Variants in URB2 observed in about 807,000 individuals in gnomAD.
URB2 encodes the protein unhealthy ribosome biogenesis protein 2 homolog.
URB2 carries 86 observed loss-of-function variants against 120.9 expected under a neutral mutation model. The ratio of observed to expected loss-of-function variants is 0.71; its 90% CI spans 0.60 to 0.85. URB2 has a LOEUF of 0.85. Ranked by LOEUF, URB2 falls within the 40% of genes least tolerant of loss-of-function variation. The pLI, the probability that URB2 is intolerant of heterozygous loss-of-function variation, is 0.00. For missense variants in URB2, 1,765 were observed against 1,836.5 expected (o/e 0.96, Z 0.71); for synonymous variants, 755 against 758.4 (o/e 1.00, Z 0.07).
In URB2 at chr1:229,636,815, A is replaced by G; in HGVS notation, c.2202A>G (p.Thr734=). ...AAGTTGGGATGGTGAGTGGACTCAC[A>G]TACCCTGTAGCACACTGGCACTTGA... is the stretch of plus-strand genomic sequence containing the variant. The part of the protein sequence containing the change: ...DGQVGMVSGL[T]YPVAHWHLIV... Residue 734 remains threonine, a synonymous_variant, in exon 4 of 10, where the codon ACA becomes ACG. Coordinates refer to ENST00000258243, the MANE Select transcript of URB2 (RefSeq NM_014777.4). 3 of 1,613,078 alleles carry G rather than the reference A, an allele frequency of 1.9e-6. No homozygotes were observed. The highest frequency in any genetic ancestry group is 2.2e-5 in the East Asian group (1 of 44,850).
intron 3 of URB2, among the ~76,000 whole-genome samples, chr1:229,634,346 C>T (rs550238013): frequency 8.5e-5 from 13 of 152,128 alleles, no homozygotes; most frequent in Admixed American, 3.3e-4. Context: ...GCTGGGATTA[C>T]AGCTGCCTGC....
intron 7 of URB2, among the ~76,000 whole-genome samples, chr1:229,649,834 A>C (rs1225160123): frequency 6.6e-6 from 1 of 152,208 alleles, no homozygotes; most frequent in Non-Finnish European, 1.5e-5. Context: ...CTCATTTTGC[A>C]GATGAGGAAA....
In URB2 at chr1:229,643,563, A is replaced by T. The variant is rs753287753; in HGVS notation, c.3665A>T (p.Asp1222Val). ...DPEIPVQVTQ[D>V]IEPHLGALFT... Reference sequence around the variant, plus strand: ...GAAATTCCTGTTCAGGTCACTCAGGATATTGAGCCTCATTTGGGAGCCTTG... The same window carrying T: ...GAAATTCCTGTTCAGGTCACTCAGGTTATTGAGCCTCATTTGGGAGCCTTG... Residue 1222 changes from aspartate to valine, a missense_variant, in exon 5 of 10, where the codon GAT (aspartate) becomes GTT (valine). Asp to Val is a radical substitution (Grantham distance 152, BLOSUM62 -3). Coordinates refer to ENST00000258243, the MANE Select transcript of URB2 (RefSeq NM_014777.4). 43 of 1,614,162 alleles carry T rather than the reference A, an allele frequency of 2.7e-5. No individual in the cohort carries two copies. Among genetic ancestry groups the T allele is most frequent in the Middle Eastern group, 1.6e-4 (1 of 6,062 alleles).
Position 229,647,518 on chromosome 1 carries a change from C to T in URB2, c.3915C>T (p.Asn1305=). The T allele has an allele frequency of 6.2e-7, 1 of 1,613,306 alleles. No homozygotes were observed. The highest frequency in any genetic ancestry group is 1.7e-5 in the Admixed American group (1 of 59,990). The part of the protein sequence containing the change: ...PQIVTALTLL[N]REASQEQPVS... The stretch of plus-strand genomic sequence containing the variant: ...TTTATTTTGCCCTTTAGCTCTTAAA[C>T]CGAGAAGCTTCTCAGGAGCAGCCTG... Residue 1305 remains asparagine, a synonymous_variant, in exon 7 of 10, where the codon AAC becomes AAT. Coordinates refer to ENST00000258243, the MANE Select transcript of URB2 (RefSeq NM_014777.4).
At chr1:229,634,838 AT>A (rs113038970) in intron 3 of URB2, 78 bp from the exon 4 acceptor site, 18,852 of 995,978 alleles carry the variant, frequency 0.019, 1 homozygote, top group South Asian at 0.028. Flanking sequence ...GAGTTTGTTG[AT>A]TTTTTTTTTT....
At position 229,635,671 on chromosome 1, in the gene URB2, G is replaced by T. The variant is rs1461113502; in HGVS notation, c.1058G>T (p.Trp353Leu). 6.2e-7 allele frequency: 1 copy of T among 1,614,144 alleles called. No homozygotes were observed. Among genetic ancestry groups the T allele is most frequent in the East Asian group, 2.2e-5 (1 of 44,886 alleles). The stretch of plus-strand genomic sequence containing the variant: ...AGCAAAGCCCTGTCCACATCAGATT[G>T]GACCACAGAGCTTTTGGTTGTGGAA... ...EQSKALSTSDWTTELLVVEQL... is the reference protein window; with the variant it reads ...EQSKALSTSDLTTELLVVEQL... The change falls in exon 4 of 10, where the codon TGG becomes TTG. Residue 353 changes from tryptophan (W) to leucine (L), a missense_variant. Coordinates refer to ENST00000258243, the MANE Select transcript of URB2 (RefSeq NM_014777.4).
At chr1:229,659,009 C>T (rs1403785474) in intron 9 of URB2, 91 bp from the exon 10 acceptor site, 1 of 1,281,790 alleles carries the variant, frequency 7.8e-7, no homozygotes, top group Non-Finnish European at 1.1e-6. Flanking sequence ...TTTGAAATTA[C>T]TTGTTAGTGC....
intron 5 of URB2, among the ~76,000 whole-genome samples, chr1:229,645,457 C>A (rs1456014829): frequency 6.6e-6 from 1 of 152,170 alleles, no homozygotes; most frequent in Non-Finnish European, 1.5e-5. Flanking sequence ...CCCCTCCTAT[C>A]TGTAAGCGTG....
At chr1:229,646,000 C>T (rs765270371) in intron 6 of URB2, 31 bp downstream of exon 6, 4 of 1,579,394 alleles carry the variant, frequency 2.5e-6, no homozygotes, top group Admixed American at 3.3e-5. Context: ...TGTCCTCTAG[C>T]TCCTCCCCTC....
Position 229,637,322 on chromosome 1 carries a change from C to T in URB2, c.2709C>T (p.Ala903=). The part of the protein sequence containing the change: ...SILGLLEVIS[A]LQLDSLLPPY... ...TGGGGCTTTTGGAAGTGATTTCTGCCTTACAGCTGGACAGCCTCTTGCCAC... is the reference window on the plus strand; with the variant it reads ...TGGGGCTTTTGGAAGTGATTTCTGCTTTACAGCTGGACAGCCTCTTGCCAC... The change falls in exon 4 of 10, where the codon GCC becomes GCT. Residue 903 remains alanine (A), a synonymous_variant. Coordinates refer to ENST00000258243, the MANE Select transcript of URB2 (RefSeq NM_014777.4). The T allele has an allele frequency of 7.4e-6, 12 of 1,614,186 alleles. No homozygotes were observed. Among genetic ancestry groups the T allele is most frequent in the Non-Finnish European group, 1.0e-5 (12 of 1,180,032 alleles).
rs1558164725 is a variant in URB2 at position 229,636,499 on chromosome 1, CTA to C, written c.1888_1889del (p.Met630ValfsTer60). On this transcript the variant is annotated frameshift_variant, in exon 4 of 10. Transcript: ENST00000258243. LOFTEE classifies it high-confidence loss of function. ...AGTTTGAACTGTAGCCAGTATCACT[CTA>C]TGTCTGGGCCCCTTATAGGTGTTGC... is the stretch of plus-strand genomic sequence containing the variant. The C allele has an allele frequency of 1.2e-6, 2 of 1,614,230 alleles. No homozygotes were observed. The highest frequency in any genetic ancestry group is 2.2e-5 in the South Asian group (2 of 91,084).
In URB2 at chr1:229,654,233, A is replaced by G. The variant is rs1666348788; in HGVS notation, c.4238-16A>G. On this transcript the variant is annotated splice_polypyrimidine_tract_variant and intron_variant, in intron 8 of 9. Coordinates refer to ENST00000258243, the MANE Select transcript of URB2 (RefSeq NM_014777.4). ...TTTTTGAACTAATTGGTTGGGAAAC[A>G]CTTTGTTGTCTGTAGGAAGCATAGA... is the stretch of plus-strand genomic sequence containing the variant. The G allele has an allele frequency of 6.2e-7, 1 of 1,612,364 alleles. No individual in the cohort carries two copies. The highest frequency in any genetic ancestry group is 8.5e-7 in the Non-Finnish European group (1 of 1,178,564).
rs750817049 is a variant in URB2 at position 229,632,275 on chromosome 1, C to G, written c.133C>G (p.Leu45Val). 26 of 1,546,600 alleles carry G rather than the reference C, an allele frequency of 1.7e-5. No individual in the cohort carries two copies. The highest frequency in any genetic ancestry group is 1.8e-5 in the Non-Finnish European group (21 of 1,156,026). The change falls in exon 3 of 10, where the codon CTT (leucine) becomes GTT (valine). Residue 45 changes from leucine (L) to valine (V), a missense_variant. Leu to Val is a conservative substitution (Grantham distance 32, BLOSUM62 1). Transcript: ENST00000258243. Reference protein sequence around the residue: ...CFLPNKEQVLLDWARQSLVAF... With the variant: ...CFLPNKEQVLVDWARQSLVAF... ...ATGTGTCCTTCAAATTCAGGTGTTA[C>G]TTGATTGGGCAAGACAATCATTGGT...
chr1:229,658,240 A>C (rs1195815202), intron 9 of URB2, among the ~76,000 whole-genome samples: 1 of 152,160 alleles, frequency 6.6e-6, no homozygotes, highest in African/African-American at 2.4e-5. Flanking sequence ...GGATGTGGTA[A>C]GTGTGAAGAG....
chr1:229,631,027 C>G (rs1022706586), intron 2 of URB2, among the ~76,000 whole-genome samples: 7 of 149,924 alleles, frequency 4.7e-5, no homozygotes, highest in African/African-American at 1.7e-4. Context: ...ATGGCATCTT[C>G]CAATAGAAGG....
intron 5 of URB2, among the ~76,000 whole-genome samples, chr1:229,644,494 G>A (rs2102792624): frequency 6.6e-6 from 1 of 152,344 alleles, no homozygotes; most frequent in Admixed American, 6.5e-5. Context: ...CTTGATTGGG[G>A]AGCAGAGGTG....
chr1:229,638,998 TG>T lies in URB2; in HGVS notation c.3634+752del, dbSNP rs1558166810. Among the ~76,000 whole-genome samples the T allele has an allele frequency of 2.0e-5, 3 of 152,134 alleles. 1 individual carries two copies. On this transcript the variant is annotated intron_variant, in intron 4 of 9. Transcript: ENST00000258243. ...GCCATAAATTGACTTTAAAAAGATATGAAAATCTGCCAACTTTAAAAAAGTA... is the reference window on the plus strand; with the variant it reads ...GCCATAAATTGACTTTAAAAAGATATAAAATCTGCCAACTTTAAAAAAGTA...
intron 4 of URB2, among the ~76,000 whole-genome samples, chr1:229,642,954 G>A (rs930666373): frequency 2.0e-5 from 3 of 152,118 alleles, no homozygotes; most frequent in Non-Finnish European, 4.4e-5. Context: ...ATAAACAGTC[G>A]ATTACCACGT....
intron 8 of URB2, 124 bp from the exon 9 acceptor site, chr1:229,654,125 T>G: frequency 2.1e-6 from 3 of 1,403,758 alleles, no homozygotes; most frequent in Middle Eastern, 3.7e-4. Context: ...ATAAGCCAAT[T>G]AAAGAGTCTG....
Sources: allele counts gnomAD v4.1 joint callset (sites outside exome capture counted in the v4.1 genomes callset), GRCh38; gene constraint gnomAD v4.1.1; transcripts MANE v1.5; gene names NCBI Gene and HGNC (gene_info 2026-07-23, HGNC 2026-07-21).